The following FGF10 variants were observed in gnomAD, a reference collection of about 807,000 sequenced individuals.
The protein encoded by FGF10 is fibroblast growth factor 10.
FGF10 carries 2 observed loss-of-function variants against 19.8 expected under a neutral mutation model. The ratio of observed to expected loss-of-function variants is 0.10; its 90% CI spans 0.04 to 0.32. The LOEUF is 0.32. Ranked by LOEUF, FGF10 falls within the 10% of genes least tolerant of loss-of-function variation. The probability of loss-of-function intolerance (pLI) is 1.00; values close to 1 mark genes in which losing one functional copy is unlikely to be tolerated. For missense variants in FGF10, 191 were observed against 246.3 expected (o/e 0.78, Z 1.50); for synonymous variants, 112 against 94.0 (o/e 1.19, Z -1.10).
chr5:44,364,616 CT>C (rs1741564463), intron 1 of FGF10, among the ~76,000 whole-genome samples: 1 of 151,854 alleles, frequency 6.6e-6, no homozygotes, highest in Non-Finnish European at 1.5e-5. Context: ...GGAAAGATTA[CT>C]GATTAGAAAT....
chr5:44,318,614 G>A (rs1281063882), intron 1 of FGF10, among the ~76,000 whole-genome samples: 1 of 152,068 alleles, frequency 6.6e-6, no homozygotes, highest in East Asian at 1.9e-4. Context: ...TACTGACCAT[G>A]CAAAAATAAG....
chr5:44,308,150 A>AAG (rs1740126127), intron 2 of FGF10, among the ~76,000 whole-genome samples: 1 of 152,112 alleles, frequency 6.6e-6, no homozygotes, highest in African/African-American at 2.4e-5. Flanking sequence ...TCTACTTTAA[A>AAG]TAAAGAATTT....
At chr5:44,307,474 A>G (rs1426913477) in intron 2 of FGF10, among the ~76,000 whole-genome samples, 1 of 152,168 alleles carries the variant, frequency 6.6e-6, no homozygotes, top group Non-Finnish European at 1.5e-5. Context: ...CCCATCAGTC[A>G]GGAGAAAACT....
chr5:44,345,887 T>G (rs1246595706), intron 1 of FGF10, among the ~76,000 whole-genome samples: 2 of 151,898 alleles, frequency 1.3e-5, no homozygotes, highest in African/African-American at 4.8e-5. Flanking sequence ...AATATTGGGT[T>G]GACGTTGGAC....
At chr5:44,339,244 T>A (rs1740917237) in intron 1 of FGF10, among the ~76,000 whole-genome samples, 1 of 152,176 alleles carries the variant, frequency 6.6e-6, no homozygotes, top group South Asian at 2.1e-4. Context: ...GTTGTACAAA[T>A]ATGACCAGAA....
rs1480282670 is a variant in FGF10, at chr5:44,351,457, C to T, written c.325+36901G>A. Reference sequence around the variant, plus strand: ...TTGATAGAATCTTTTTTTAACAGTTCAGTGGTTTTCCAAAGATTTAAAAAT... The same window carrying T: ...TTGATAGAATCTTTTTTTAACAGTTTAGTGGTTTTCCAAAGATTTAAAAAT... On this transcript the variant is annotated intron_variant, in intron 1 of 2. Transcript: ENST00000264664. Among the ~76,000 whole-genome samples, 3 of 151,548 alleles carry T rather than the reference C, an allele frequency of 2.0e-5. No homozygotes were observed. The East Asian group carries it at 5.9e-4, about 30-fold the overall frequency.
At chr5:44,328,228 T>C (rs777567826) in intron 1 of FGF10, among the ~76,000 whole-genome samples, 6 of 152,144 alleles carry the variant, frequency 3.9e-5, no homozygotes, top group Non-Finnish European at 5.9e-5. Flanking sequence ...CGTAATCGCA[T>C]TGGAAAGTCA....
intron 1 of FGF10, among the ~76,000 whole-genome samples, chr5:44,342,364 A>G (rs1740989452): frequency 6.6e-6 from 1 of 152,010 alleles, no homozygotes; most frequent in Non-Finnish European, 1.5e-5. Context: ...AGGACAAAAC[A>G]ATTTGTGAAA....
intron 1 of FGF10, among the ~76,000 whole-genome samples, chr5:44,355,980 A>C (rs1471439751): frequency 6.6e-6 from 1 of 151,444 alleles, no homozygotes; most frequent in African/African-American, 2.4e-5. Flanking sequence ...AAATTGTTAC[A>C]ATTTCCCTTA....
intron 1 of FGF10, among the ~76,000 whole-genome samples, chr5:44,380,153 G>A (rs549929536): frequency 1.3e-5 from 2 of 152,256 alleles, no homozygotes; most frequent in East Asian, 3.9e-4. Flanking sequence ...TCAATAGTAT[G>A]TAAATCAGTG....
At chr5:44,311,734 C>T (rs1442301755) in intron 1 of FGF10, among the ~76,000 whole-genome samples, 2 of 152,082 alleles carry the variant, frequency 1.3e-5, no homozygotes, top group Non-Finnish European at 2.9e-5. Flanking sequence ...AAATCCTGAA[C>T]AATACATACA....
chr5:44,331,480 A>T (rs1266656729), intron 1 of FGF10, among the ~76,000 whole-genome samples: 1 of 152,148 alleles, frequency 6.6e-6, no homozygotes. Flanking sequence ...GAGATTGCAA[A>T]ATTTTTCTCA....
Position 44,315,009 on chromosome 5 carries a change from A to G in FGF10, c.326-4479T>C, listed in dbSNP as rs186833009. 2.1e-3 allele frequency among the ~76,000 whole-genome samples: 315 copies of G among 152,252 alleles called. 2 individuals are homozygous for G. Among genetic ancestry groups the G allele is most frequent in the African/African-American group, 7.5e-3 (312 of 41,562 alleles). On this transcript the variant is annotated intron_variant, in intron 1 of 2. Transcript: ENST00000264664. ...CTAGATAAATAGAACATAAATATAC[A>G]ATGGAATTCTATAGACTGAGTAAAT...
At chr5:44,372,588 A>T (rs906726366) in intron 1 of FGF10, among the ~76,000 whole-genome samples, 3 of 152,188 alleles carry the variant, frequency 2.0e-5, no homozygotes, top group African/African-American at 4.8e-5. Context: ...AGCAGCTCAA[A>T]AATCTCAAAT....
intron 1 of FGF10, among the ~76,000 whole-genome samples, chr5:44,329,914 G>C (rs1740692406): frequency 6.6e-6 from 1 of 152,178 alleles, no homozygotes; most frequent in Non-Finnish European, 1.5e-5. Flanking sequence ...TGGAGACACA[G>C]AGTTTTCAGA....
chr5:44,349,165 C>T (rs1262127387), intron 1 of FGF10, among the ~76,000 whole-genome samples: 1 of 150,824 alleles, frequency 6.6e-6, no homozygotes, highest in Non-Finnish European at 1.5e-5. Flanking sequence ...CCCTCTCCCA[C>T]TTTCTACTTT....
chr5:44,388,686 A>G lies in FGF10; in HGVS notation c.-4T>C. The G allele has an allele frequency of 6.2e-7, 1 of 1,613,906 alleles. No homozygotes were observed. The highest frequency in any genetic ancestry group is 2.2e-5 in the East Asian group (1 of 44,844). Reference sequence around the variant, plus strand: ...GTGTCAGTATCCATTTCCACATTGTACTGAAACTCTCGGCACTGGAAATTG... The same window carrying G: ...GTGTCAGTATCCATTTCCACATTGTGCTGAAACTCTCGGCACTGGAAATTG... On this transcript the variant is annotated 5_prime_UTR_variant, in exon 1 of 3. Coordinates refer to ENST00000264664, the MANE Select transcript of FGF10 (RefSeq NM_004465.2).
intron 1 of FGF10, among the ~76,000 whole-genome samples, chr5:44,342,379 A>G (rs1740989650): frequency 6.6e-6 from 1 of 152,020 alleles, no homozygotes; most frequent in East Asian, 1.9e-4. Context: ...GTGAAAGTTA[A>G]TAAATATTAG....
intron 1 of FGF10, among the ~76,000 whole-genome samples, chr5:44,321,963 A>G (rs1019609363): frequency 8.5e-5 from 13 of 152,118 alleles, no homozygotes; most frequent in Non-Finnish European, 1.3e-4. Context: ...GGGTTTCTCC[A>G]TGTTGGCCAG....
Sources: gnomAD v4.1 joint callset for allele counts (sites outside exome capture counted in the v4.1 genomes callset) on GRCh38, gnomAD v4.1.1 for gene constraint, MANE v1.5 for transcripts, NCBI Gene and HGNC (gene_info 2026-07-23, HGNC 2026-07-21) for gene names.